The following AKAP9 variants were observed in gnomAD, a reference collection of about 807,000 sequenced individuals.
AKAP9 encodes A-kinase anchor protein 9.
AKAP9 carries 311 observed loss-of-function variants against 488.5 expected under a neutral mutation model. That is an observed-to-expected ratio of 0.64 (90% CI 0.58 to 0.70). The LOEUF (loss-of-function observed/expected upper bound fraction) is 0.70. Among genes scored for constraint, AKAP9 ranks in the 30% least tolerant of loss-of-function variants. The pLI is 0.00. For synonymous variants in AKAP9, 1,462 were observed against 1,483.5 expected, an observed-to-expected ratio of 0.99 and a Z score of 0.33; for missense variants, 4,215 against 4,374.5, an observed-to-expected ratio of 0.96 and a Z score of 1.03.
chr7:91,983,912 G>A (rs1343458308), intron 3 of AKAP9, among the ~76,000 whole-genome samples: 1 of 152,138 alleles, frequency 6.6e-6, no homozygotes, highest in Admixed American at 6.5e-5. Context: ...TTTTTCATGT[G>A]TCTGTTGGCT....
intron 20 of AKAP9, among the ~76,000 whole-genome samples, chr7:92,044,615 A>G (rs911591754): frequency 2.0e-5 from 3 of 152,328 alleles, no homozygotes; most frequent in East Asian, 1.9e-4. Context: ...ATGTATAACC[A>G]TGGGCAGCAA....
intron 38 of AKAP9, chr7:92,089,957 G>A (rs143734328): frequency 3.6e-5 from 6 of 168,516 alleles, no homozygotes; most frequent in African/African-American, 7.2e-5. Flanking sequence ...GCAGTATGAC[G>A]CATTTTTAAA....
chr7:92,095,573 T>C (rs982272204), intron 40 of AKAP9, among the ~76,000 whole-genome samples: 2 of 152,176 alleles, frequency 1.3e-5, no homozygotes, highest in African/African-American at 2.4e-5. Flanking sequence ...AAGTGAACAT[T>C]GGCCCCTTTC....
At chr7:92,057,857 G>C (rs1427257283) in intron 22 of AKAP9, 1 of 229,656 alleles carries the variant, frequency 4.4e-6, no homozygotes, top group East Asian at 6.4e-5. Context: ...AGTTTAAAAG[G>C]TGTTTTTGTT....
intron 22 of AKAP9, among the ~76,000 whole-genome samples, chr7:92,059,957 T>A (rs1000918944): frequency 1.3e-4 from 20 of 151,918 alleles, no homozygotes; most frequent in African/African-American, 4.3e-4. Flanking sequence ...GTATGATTAA[T>A]TTTCTATTAT....
chr7:91,995,341 G>A (rs1054255671), intron 6 of AKAP9, among the ~76,000 whole-genome samples: 2 of 152,182 alleles, frequency 1.3e-5, no homozygotes, highest in South Asian at 4.1e-4. Flanking sequence ...GGGAATTCGG[G>A]AAGTACTGTC....
rs538476247 is a variant in AKAP9 at position 92,107,360 on chromosome 7, T to C, written c.11484T>C (p.His3828=). 7 of 1,613,730 alleles carry C rather than the reference T, an allele frequency of 4.3e-6. No individual in the cohort carries two copies. The highest frequency in any genetic ancestry group is 5.9e-6 in the Non-Finnish European group (7 of 1,179,726). The part of the protein sequence containing the change: ...GGLELYGEPR[H]TTYRSRSDLD... ...TGGAGTTATATGGAGAACCAAGACA[T>C]ACTACGTATCGCTCAAGATCAGATC... Residue 3828 remains histidine (H), a synonymous_variant, in exon 48 of 50, where the codon CAT becomes CAC. Coordinates refer to ENST00000356239, the MANE Select transcript of AKAP9 (RefSeq NM_005751.5).
intron 12 of AKAP9, among the ~76,000 whole-genome samples, chr7:92,018,439 CACAG>C (rs545218205): frequency 0.041 from 2,486 of 60,970 alleles, 51 homozygotes; most frequent in Middle Eastern, 0.085. Flanking sequence ...CACACACACA[CACAG>C]AGAAATATTC....
intron 14 of AKAP9, among the ~76,000 whole-genome samples, chr7:92,027,542 C>T (rs563050131): frequency 2.0e-4 from 29 of 147,522 alleles, no homozygotes; most frequent in Admixed American, 2.7e-4. Context: ...CGCCTCTGCC[C>T]GGCTGCACCG....
intron 18 of AKAP9, chr7:92,041,684 T>C (rs55745934): frequency 0.36 from 76,358 of 212,950 alleles, 14,345 homozygotes; most frequent in Middle Eastern, 0.41. Flanking sequence ...ATTAACAGTA[T>C]TCTTTCAAAC....
At chr7:92,072,226 G>A (rs1238762247) in intron 28 of AKAP9, among the ~76,000 whole-genome samples, 1 of 152,026 alleles carries the variant, frequency 6.6e-6, no homozygotes, top group Admixed American at 6.6e-5. Flanking sequence ...TCTAATAACT[G>A]TCTACCTTTT....
At chr7:92,047,443 T>A (rs1807193575) in intron 21 of AKAP9, among the ~76,000 whole-genome samples, 1 of 152,192 alleles carries the variant, frequency 6.6e-6, no homozygotes, top group Non-Finnish European at 1.5e-5. Context: ...GGTTTCGAAC[T>A]CCTGACCTCA....
At chr7:92,042,819 G>T (rs1806335708) in intron 20 of AKAP9, 48 bp downstream of exon 20, 2 of 1,261,304 alleles carry the variant, frequency 1.6e-6, no homozygotes, top group African/African-American at 1.5e-5. Context: ...TAAAATGGTT[G>T]TTTCAATGTA....
chr7:92,015,521 G>A (rs149044983), intron 10 of AKAP9, among the ~76,000 whole-genome samples: 1,595 of 151,914 alleles, frequency 0.01, 25 homozygotes, highest in African/African-American at 0.037. Flanking sequence ...ACACCACCAC[G>A]CCCAGCTAAT....
chr7:91,941,172 C>G, intron 1 of AKAP9, 25 bp downstream of exon 1: 1 of 1,611,814 alleles, frequency 6.2e-7, no homozygotes, highest in East Asian at 2.2e-5. Flanking sequence ...GGCAACCGGG[C>G]CTGCGGTGGG....
rs1198014930 is a variant in AKAP9 at position 91,953,697 on chromosome 7, T to A, written c.48+12550T>A. ...TGGGATTGGAGAACTAGGGATCAGA[T>A]AATGAGGAGCCACATATGACATTTA... On this transcript the variant is annotated intron_variant, in intron 1 of 49. Transcript: ENST00000356239. Among the ~76,000 whole-genome samples, 14 of 152,148 alleles carry A rather than the reference T, an allele frequency of 9.2e-5. No individual in the cohort carries two copies. In the South Asian group the frequency reaches 2.9e-3, roughly 32 times the overall value.
chr7:92,022,521 T>G (rs551053140), intron 13 of AKAP9, among the ~76,000 whole-genome samples, 169 bp downstream of exon 13: 1 of 152,208 alleles, frequency 6.6e-6, no homozygotes, highest in Non-Finnish European at 1.5e-5. Flanking sequence ...TACTTTCTAT[T>G]TGGTCCTTTC....
chr7:91,986,364 T>C (rs1230548140), intron 3 of AKAP9, among the ~76,000 whole-genome samples: 1 of 152,166 alleles, frequency 6.6e-6, no homozygotes, highest in Non-Finnish European at 1.5e-5. Flanking sequence ...GGTGAGGCGA[T>C]GCCCTGCCCT....
intron 1 of AKAP9, among the ~76,000 whole-genome samples, chr7:91,959,318 C>G (rs1793432487): frequency 6.6e-6 from 1 of 152,038 alleles, no homozygotes; most frequent in Non-Finnish European, 1.5e-5. Context: ...GAGATAGGAT[C>G]TCACTCTGTT....
Sources: gnomAD v4.1 joint callset for allele counts (sites outside exome capture counted in the v4.1 genomes callset) on GRCh38, gnomAD v4.1.1 for gene constraint, MANE v1.5 for transcripts, NCBI Gene and HGNC (gene_info 2026-07-23, HGNC 2026-07-21) for gene names.